Variants in IQCH observed in about 807,000 individuals in gnomAD.
IQCH encodes the protein IQ domain-containing protein H.
Under a neutral mutation model 117.0 loss-of-function variants are expected in IQCH, and 98 were observed. The ratio of observed to expected loss-of-function variants is 0.84; its 90% CI spans 0.71 to 0.99. The LOEUF is 0.99. IQCH is among the 50% of genes least tolerant of loss of function. IQCH has a pLI of 0.00. For missense variants in IQCH, 1,102 were observed against 1,243.8 expected (o/e 0.89, Z 1.72); for synonymous variants, 412 against 448.2 (o/e 0.92, Z 1.02).
chr15:67,265,898 T>C (rs1185935594), intron 3 of IQCH, among the ~76,000 whole-genome samples: 2 of 152,222 alleles, frequency 1.3e-5, no homozygotes, highest in Non-Finnish European at 2.9e-5. Context: ...TGCATTTTTC[T>C]TCTAAGGTTC....
At chr15:67,340,520 G>A (rs912772421) in intron 5 of IQCH, among the ~76,000 whole-genome samples, 4 of 146,292 alleles carry the variant, frequency 2.7e-5, no homozygotes, top group African/African-American at 1.0e-4. Flanking sequence ...AAAATTCTAG[G>A]CAAGGCCTTG....
chr15:67,311,569 A>G (rs1967596224), intron 4 of IQCH, among the ~76,000 whole-genome samples: 1 of 148,168 alleles, frequency 6.7e-6, no homozygotes, highest in South Asian at 2.1e-4. Flanking sequence ...TATAGTAAAT[A>G]TATAATATAA....
At chr15:67,389,070 T>A in intron 12 of IQCH, 64 bp downstream of exon 12, 1 of 1,317,470 alleles carries the variant, frequency 7.6e-7, no homozygotes. Context: ...GAAATTTTAA[T>A]AACTTGCAAC....
At chr15:67,332,146 G>C (rs978006538) in intron 4 of IQCH, among the ~76,000 whole-genome samples, 2 of 152,034 alleles carry the variant, frequency 1.3e-5, no homozygotes, top group African/African-American at 4.8e-5. Context: ...TATAATGTAA[G>C]AAAATTTTCT....
At chr15:67,264,242 A>G (rs1047298647) in intron 3 of IQCH, among the ~76,000 whole-genome samples, 4 of 152,248 alleles carry the variant, frequency 2.6e-5, no homozygotes, top group African/African-American at 9.6e-5. Flanking sequence ...TGTATTCAAC[A>G]CAGTTTCATC....
At chr15:67,357,286 C>A in intron 6 of IQCH, 59 bp from the exon 7 acceptor site, 1 of 1,163,512 alleles carries the variant, frequency 8.6e-7, no homozygotes, top group Non-Finnish European at 1.3e-6. Context: ...CAATAGCATC[C>A]AACCAGTGAC....
intron 4 of IQCH, chr15:67,304,402 G>GT (rs749803136): frequency 3.1e-5 from 48 of 1,534,950 alleles, no homozygotes; most frequent in Non-Finnish European, 3.8e-5. Flanking sequence ...CAGAGCTGCT[G>GT]TAAATGCGAA....
intron 10 of IQCH, among the ~76,000 whole-genome samples, chr15:67,374,611 A>G (rs1466206864): frequency 6.6e-6 from 1 of 152,196 alleles, no homozygotes; most frequent in Non-Finnish European, 1.5e-5. Context: ...GGTTAAGAAA[A>G]TACTTGCATT....
At chr15:67,434,988 T>TG (rs769441348) in intron 16 of IQCH, among the ~76,000 whole-genome samples, 1 of 4,926 alleles carries the variant, frequency 2.0e-4, no homozygotes, top group Non-Finnish European at 1.4e-3. Flanking sequence ...TGTATCTTTG[T>TG]TTTTTTTTTA....
intron 14 of IQCH, among the ~76,000 whole-genome samples, chr15:67,414,088 A>G (rs965180950): frequency 1.3e-5 from 2 of 152,148 alleles, no homozygotes; most frequent in African/African-American, 4.8e-5. Context: ...GGAATCCCAT[A>G]AAGTCCGCCC....
chr15:67,344,040 A>G, intron 5 of IQCH, 23 bp from the exon 6 acceptor site: 2 of 1,605,716 alleles, frequency 1.2e-6, no homozygotes, highest in South Asian at 1.1e-5. Context: ...TTAAACTCAC[A>G]TTTTATTAAT....
chr15:67,378,863 A>G (rs1280947839), intron 10 of IQCH, among the ~76,000 whole-genome samples: 1 of 152,202 alleles, frequency 6.6e-6, no homozygotes, highest in African/African-American at 2.4e-5. Flanking sequence ...AGGCTCGTTC[A>G]GTGGTTCTCA....
chr15:67,361,566 C>A (rs1030586112), intron 8 of IQCH, among the ~76,000 whole-genome samples: 4 of 152,140 alleles, frequency 2.6e-5, no homozygotes, highest in African/African-American at 9.7e-5. Flanking sequence ...ATAATTTAAT[C>A]TTTTCTCTAT....
intron 10 of IQCH, 99 bp downstream of exon 10, chr15:67,373,532 A>ATTGG (rs779812430): frequency 1.2e-6 from 1 of 834,660 alleles, no homozygotes; most frequent in Non-Finnish European, 2.1e-6. Flanking sequence ...TTTTATTCAA[A>ATTGG]TTGGTCTCGG....
In IQCH at chr15:67,333,609, A is replaced by G. The variant is rs1187724900; in HGVS notation, c.388-3366A>G. Among the ~76,000 whole-genome samples, 4 of 152,176 alleles carry G rather than the reference A, an allele frequency of 2.6e-5. No homozygotes were observed. The South Asian group carries it at 6.2e-4, about 24-fold the overall frequency. On this transcript the variant is annotated intron_variant, in intron 4 of 20. Coordinates refer to ENST00000335894, the MANE Select transcript of IQCH (RefSeq NM_001031715.3). ...ACTGCTTGAAATCTTTATAATGGGC[A>G]TACATCATTTTTACCAAAATAATAA... is the stretch of plus-strand genomic sequence containing the variant.
At chr15:67,498,355 C>T (rs973222648) in intron 20 of IQCH, among the ~76,000 whole-genome samples, 1 of 152,080 alleles carries the variant, frequency 6.6e-6, no homozygotes, top group Non-Finnish European at 1.5e-5. Context: ...GTGGCTCACA[C>T]CTGTAATCCC....
intron 12 of IQCH, among the ~76,000 whole-genome samples, chr15:67,392,541 C>A (rs1971320416): frequency 6.6e-6 from 1 of 152,026 alleles, no homozygotes; most frequent in South Asian, 2.1e-4. Flanking sequence ...TTTTGGGAGG[C>A]CAAGGCAGGT....
chr15:67,333,507 C>T (rs964449551), intron 4 of IQCH, among the ~76,000 whole-genome samples: 1 of 152,134 alleles, frequency 6.6e-6, no homozygotes, highest in Non-Finnish European at 1.5e-5. Context: ...ATATATCATT[C>T]TAAAGATGTC....
rs1188046455 is a variant in IQCH at position 67,459,465 on chromosome 15, C to T, written c.2506-5662C>T. On this transcript the variant is annotated intron_variant, in intron 16 of 20. Coordinates refer to ENST00000335894, the MANE Select transcript of IQCH (RefSeq NM_001031715.3). The surrounding 1 kb of genome is among the most constrained non-coding windows in gnomAD (Gnocchi z 4.2). ...CGTGCTCTGCCACCCATTCATCCCG[C>T]CTGTCACCAGAAAGAGGCAGAAGCA... Among the ~76,000 whole-genome samples, 2 of 152,190 alleles carry T rather than the reference C, an allele frequency of 1.3e-5. No individual in the cohort carries two copies. Among genetic ancestry groups the T allele is most frequent in the Non-Finnish European group, 2.9e-5 (2 of 68,030 alleles).
Sources: allele counts gnomAD v4.1 joint callset (sites outside exome capture counted in the v4.1 genomes callset), GRCh38; gene constraint gnomAD v4.1.1; non-coding constraint Gnocchi (gnomAD v3.1); transcripts MANE v1.5; gene names NCBI Gene and HGNC (gene_info 2026-07-23, HGNC 2026-07-21).